The following LRRC4B variants were observed in gnomAD, a reference collection of about 807,000 sequenced individuals.
The protein encoded by LRRC4B is leucine rich repeat containing 4B.
Under a neutral mutation model 7.3 loss-of-function variants are expected in LRRC4B, and 1 was observed. The observed-to-expected ratio is 0.14, with a 90% CI of 0.05 to 0.65. LRRC4B has a LOEUF of 0.65. Among genes scored for constraint, LRRC4B ranks in the 30% least tolerant of loss-of-function variants. The probability of loss-of-function intolerance (pLI) is 0.84; values close to 1 mark genes in which losing one functional copy is unlikely to be tolerated. For missense variants in LRRC4B, 730 were observed against 1,041.6 expected (o/e 0.70, Z 4.12); for synonymous variants, 500 against 499.2 (o/e 1.00, Z -0.02).
At chr19:50,552,915 C>T (rs991210714) in intron 1 of LRRC4B, among the ~76,000 whole-genome samples, 1 of 152,196 alleles carries the variant, frequency 6.6e-6, no homozygotes, top group Non-Finnish European at 1.5e-5. Context: ...TGGTGAGTGC[C>T]GAGAGGCCTG....
intron 2 of LRRC4B, among the ~76,000 whole-genome samples, chr19:50,544,749 A>G (rs536236086): frequency 3.9e-5 from 6 of 152,026 alleles, no homozygotes; most frequent in African/African-American, 1.4e-4. Flanking sequence ...TCATTCTGTA[A>G]TAAGTAATTA....
Position 50,518,820 on chromosome 19 carries a change from G to A in LRRC4B, c.893C>T (p.Thr298Met), listed in dbSNP as rs2122760487. The change falls in exon 3 of 3, where the codon ACG becomes ATG. Residue 298 changes from threonine (T) to methionine (M), a missense_variant. Thr to Met is a moderately conservative substitution (Grantham distance 81). This residue lies in a region of LRRC4B where 226 missense variants were observed against 448.0 expected (regional missense o/e 0.50). Coordinates refer to ENST00000652263, the MANE Select transcript of LRRC4B (RefSeq NM_001080457.2). Reference protein sequence around the residue: ...NLMSLPHDLFTPLHRLERVHL... With the variant: ...NLMSLPHDLFMPLHRLERVHL... ...CACGCGCTCGAGGCGGTGCAGGGGC[G>A]TGAAGAGGTCGTGGGGCAGCGACAT... The A allele has an allele frequency of 1.9e-6, 3 of 1,614,090 alleles. No individual in the cohort carries two copies. The highest frequency in any genetic ancestry group is 2.2e-5 in the East Asian group (1 of 44,870).
chr19:50,530,624 G>A (rs1182120396), intron 2 of LRRC4B, among the ~76,000 whole-genome samples: 1 of 152,176 alleles, frequency 6.6e-6, no homozygotes, highest in Admixed American at 6.5e-5. Flanking sequence ...TCAGCCTTGC[G>A]AGCTGCTCTG....
chr19:50,519,613 A>G lies in LRRC4B; in HGVS notation c.298-198T>C, dbSNP rs1001566860. The stretch of plus-strand genomic sequence containing the variant: ...GAGTCAAGGCTGGGTGTGGTGGCTC[A>G]CGCCTGTAATCTCAGCACTTTGGGA... On this transcript the variant is annotated intron_variant, in intron 2 of 2. Coordinates refer to ENST00000652263, the MANE Select transcript of LRRC4B (RefSeq NM_001080457.2). The surrounding 1 kb of genome is among the most constrained non-coding windows in gnomAD (Gnocchi z 8.1). Among the ~76,000 whole-genome samples, 6 of 152,190 alleles carry G rather than the reference A, an allele frequency of 3.9e-5. No homozygotes were observed. Among genetic ancestry groups the G allele is most frequent in the Non-Finnish European group, 8.8e-5 (6 of 68,030 alleles).
intron 2 of LRRC4B, among the ~76,000 whole-genome samples, chr19:50,522,576 A>ACAC (rs1980631760): frequency 2.6e-5 from 4 of 152,152 alleles, no homozygotes; most frequent in Non-Finnish European, 1.5e-5. Context: ...TGCCGGGTTC[A>ACAC]AGTGATTCTC....
chr19:50,530,014 G>A (rs1017511269), intron 2 of LRRC4B, among the ~76,000 whole-genome samples: 4 of 149,894 alleles, frequency 2.7e-5, no homozygotes, highest in South Asian at 2.2e-4. Flanking sequence ...CGTCCAAAGC[G>A]GGGCTGCGGC....
rs559193332 is a variant in LRRC4B, at chr19:50,537,699, T to C, written c.297+10843A>G. On this transcript the variant is annotated intron_variant, in intron 2 of 2. Coordinates refer to ENST00000652263, the MANE Select transcript of LRRC4B (RefSeq NM_001080457.2). The surrounding 1 kb of genome is among the most constrained non-coding windows in gnomAD (Gnocchi z 5.5). ...CGACTGTTCTTTTCTGTAAGTGTGC[T>C]GTGAGTCATCATGAGAAAAAGTTAA... Among the ~76,000 whole-genome samples the C allele has an allele frequency of 6.6e-6, 1 of 152,026 alleles. No individual in the cohort carries two copies. Among genetic ancestry groups the C allele is most frequent in the Admixed American group, 6.5e-5 (1 of 15,274 alleles).
At position 50,567,996 on chromosome 19, in the gene LRRC4B, GGACC is replaced by G. The variant is rs1982695837; in HGVS notation, c.-92_-89del. On this transcript the variant is annotated 5_prime_UTR_variant, in exon 1 of 3. Coordinates refer to ENST00000652263, the MANE Select transcript of LRRC4B (RefSeq NM_001080457.2). ...GCAGCATGCCCGGCCCGTGGGGGGA[GGACC>G]CCCCCAATGAGGCTCAGGAATTTGG... 2 of 149,828 alleles carry G rather than the reference GGACC, an allele frequency of 1.3e-5. No individual in the cohort carries two copies. Among genetic ancestry groups the G allele is most frequent in the Admixed American group, 1.3e-4 (2 of 15,154 alleles). 9.3% of individuals were successfully genotyped at this position (149,828 alleles called of 1,614,324 possible). A position where few individuals can be genotyped will look rare whatever the true frequency, so the allele number is the denominator to read the frequency against.
At chr19:50,559,390 C>T (rs756722899) in intron 1 of LRRC4B, among the ~76,000 whole-genome samples, 67 of 152,040 alleles carry the variant, frequency 4.4e-4, no homozygotes, top group Non-Finnish European at 3.8e-4. Flanking sequence ...GCTGAGATGG[C>T]GCCACTGCAC....
chr19:50,552,646 G>GTCCATCCATCTGTCCATCCATCCATCCA (rs1279342902), intron 1 of LRRC4B, among the ~76,000 whole-genome samples: 2 of 53,478 alleles, frequency 3.7e-5, no homozygotes, highest in Non-Finnish European at 7.2e-5. Context: ...CCGCCCATCC[G>GTCCATCCATCTGTCCATCCATCCATCCA]TCCATCCATC....
chr19:50,551,695 T>C (rs1982073627), intron 1 of LRRC4B, among the ~76,000 whole-genome samples: 1 of 149,868 alleles, frequency 6.7e-6, no homozygotes. Flanking sequence ...TCTTGCTCTA[T>C]CCCTGTCACC....
At chr19:50,550,803 CG>C (rs1219791573) in intron 1 of LRRC4B, 1 of 152,322 alleles carries the variant, frequency 6.6e-6, no homozygotes, top group Non-Finnish European at 1.5e-5. Flanking sequence ...TATGTGAGTG[CG>C]GTGAGGGTCT....
intron 2 of LRRC4B, among the ~76,000 whole-genome samples, chr19:50,523,715 C>CT (rs1350415624): frequency 6.6e-6 from 1 of 151,834 alleles, no homozygotes; most frequent in Non-Finnish European, 1.5e-5. Flanking sequence ...TCCTAGCACT[C>CT]TGAGAGGCCA....
At chr19:50,550,851 A>G (rs1982025305) in intron 1 of LRRC4B, 1 of 152,284 alleles carries the variant, frequency 6.6e-6, no homozygotes, top group Admixed American at 6.5e-5. Flanking sequence ...GTCAATGCCC[A>G]GTCCTTATCC....
rs949979294 is a variant in LRRC4B at position 50,561,648 on chromosome 19, T to C, written c.-36+6296A>G. ...TACTTGGGAGGCTGAGGCGGGAGGA[T>C]CGCTTGAGCCCAGGAGGTCAAGGCT... On this transcript the variant is annotated intron_variant, in intron 1 of 2. Coordinates refer to ENST00000652263, the MANE Select transcript of LRRC4B (RefSeq NM_001080457.2). Among the ~76,000 whole-genome samples, 7 of 152,228 alleles carry C rather than the reference T, an allele frequency of 4.6e-5. No homozygotes were observed. In the East Asian group the frequency reaches 1.4e-3, roughly 29 times the overall value.
intron 2 of LRRC4B, among the ~76,000 whole-genome samples, chr19:50,529,921 C>T (rs1980975684): frequency 6.6e-6 from 1 of 152,072 alleles, no homozygotes; most frequent in South Asian, 2.1e-4. Context: ...CCCTTCATTC[C>T]CAGCAAACAC....
Position 50,544,334 on chromosome 19 carries a change from A to G in LRRC4B, c.297+4208T>C, listed in dbSNP as rs1054141519. On this transcript the variant is annotated intron_variant, in intron 2 of 2. Coordinates refer to ENST00000652263, the MANE Select transcript of LRRC4B (RefSeq NM_001080457.2). Reference sequence around the variant, plus strand: ...ATCCTGGCTAACACAGTGAAACCTCATCTCTACTAAAAATACAAAAAAATT... The same window carrying G: ...ATCCTGGCTAACACAGTGAAACCTCGTCTCTACTAAAAATACAAAAAAATT... 4.6e-5 allele frequency among the ~76,000 whole-genome samples: 7 copies of G among 150,870 alleles called. No individual in the cohort carries two copies. The East Asian group carries it at 7.9e-4, about 17-fold the overall frequency.
chr19:50,562,315 C>T (rs971487828), intron 1 of LRRC4B, among the ~76,000 whole-genome samples: 3 of 152,102 alleles, frequency 2.0e-5, no homozygotes, highest in Admixed American at 6.6e-5. Flanking sequence ...GGACCCACCT[C>T]TCTGGGCCTC....
At chr19:50,550,844 A>C (rs1982024949) in intron 1 of LRRC4B, 1 of 152,300 alleles carries the variant, frequency 6.6e-6, no homozygotes, top group African/African-American at 2.4e-5. Context: ...CAGGGAGGTC[A>C]ATGCCCAGTC....
Sources: gnomAD v4.1 joint callset for allele counts (sites outside exome capture counted in the v4.1 genomes callset) on GRCh38, gnomAD v4.1.1 for gene constraint, gnomAD v4.1.1 regional missense constraint, Gnocchi (gnomAD v3.1) non-coding constraint, MANE v1.5 for transcripts, NCBI Gene and HGNC (gene_info 2026-07-23, HGNC 2026-07-21) for gene names.